The following ACSL3 variants were observed in gnomAD, a reference collection of about 807,000 sequenced individuals.
The protein encoded by ACSL3 is acyl-CoA synthetase long chain family member 3, also known as fatty acid CoA ligase Acsl3.
A neutral mutation model predicts 84.7 loss-of-function variants in ACSL3; 34 were observed. That is an observed-to-expected ratio of 0.40 (90% CI 0.31 to 0.53). The LOEUF is 0.53. Among genes scored for constraint, ACSL3 ranks in the 20% least tolerant of loss-of-function variants. ACSL3 has a pLI of 0.48. For missense variants in ACSL3, 680 were observed against 873.1 expected (o/e 0.78, Z 2.79); for synonymous variants, 315 against 299.4 (o/e 1.05, Z -0.54).
intron 2 of ACSL3, among the ~76,000 whole-genome samples, chr2:222,896,829 T>C (rs1466631100): frequency 3.3e-3 from 38 of 11,558 alleles, no homozygotes; most frequent in Non-Finnish European, 4.4e-3. Context: ...GCGGGGGGGC[T>C]GACCCCCCCA....
At chr2:222,884,109 G>A (rs1464208539) in intron 1 of ACSL3, among the ~76,000 whole-genome samples, 1 of 152,070 alleles carries the variant, frequency 6.6e-6, no homozygotes, top group East Asian at 1.9e-4. Flanking sequence ...CAAATATCTG[G>A]TGATTAAGAA....
chr2:222,868,859 A>G (rs1350689383), intron 1 of ACSL3, among the ~76,000 whole-genome samples: 2 of 151,994 alleles, frequency 1.3e-5, no homozygotes, highest in African/African-American at 4.8e-5. Context: ...AATCCCAGCT[A>G]CTTGGGAGGC....
chr2:222,928,692 G>A (rs1256818318), intron 12 of ACSL3, among the ~76,000 whole-genome samples, 170 bp from the exon 13 acceptor site: 1 of 150,310 alleles, frequency 6.7e-6, no homozygotes, highest in Non-Finnish European at 1.5e-5. Flanking sequence ...CAAAAAATAC[G>A]ACTCTACAGG....
At chr2:222,876,937 A>T (rs1695465157) in intron 1 of ACSL3, among the ~76,000 whole-genome samples, 1 of 152,246 alleles carries the variant, frequency 6.6e-6, no homozygotes, top group Non-Finnish European at 1.5e-5. Context: ...AGGTAAAAAT[A>T]GATGGAGAGA....
intron 1 of ACSL3, among the ~76,000 whole-genome samples, chr2:222,865,121 C>T (rs1426862680): frequency 1.3e-5 from 2 of 152,078 alleles, no homozygotes; most frequent in Non-Finnish European, 2.9e-5. Flanking sequence ...CCTGTGGTGC[C>T]TTCCTTACAT....
At chr2:222,879,455 A>T (rs1213353433) in intron 1 of ACSL3, among the ~76,000 whole-genome samples, 2 of 152,182 alleles carry the variant, frequency 1.3e-5, no homozygotes, top group Non-Finnish European at 2.9e-5. Context: ...ACTTGTGATT[A>T]CTCACTGTAT....
At chr2:222,906,461 G>T (rs1435246929) in intron 3 of ACSL3, among the ~76,000 whole-genome samples, 1 of 152,182 alleles carries the variant, frequency 6.6e-6, no homozygotes, top group Admixed American at 6.5e-5. Flanking sequence ...GTTAAATTAA[G>T]ATGCCCTTTG....
At position 222,932,791 on chromosome 2, in the gene ACSL3, C is replaced by T. The variant is rs1410856166; in HGVS notation, c.1733-375C>T. ...CTAAAAATACAAAAAATTAGCCGGG[C>T]GCGGTGGCGGGCGCCTGTAGTCCCA... On this transcript the variant is annotated intron_variant, in intron 14 of 16. Coordinates refer to ENST00000357430, the MANE Select transcript of ACSL3 (RefSeq NM_004457.5). Among the ~76,000 whole-genome samples, 3 of 33,748 alleles carry T rather than the reference C, an allele frequency of 8.9e-5. 1 individual carries two copies. Among genetic ancestry groups the T allele is most frequent in the Non-Finnish European group, 1.4e-4 (3 of 21,778 alleles). 22.1% of individuals were successfully genotyped at this position (33,748 alleles called of 152,430 possible). A position where few individuals can be genotyped will look rare whatever the true frequency, so the allele number is the denominator to read the frequency against.
chr2:222,916,224 CTT>C (rs1696577430), intron 4 of ACSL3, 93 bp from the exon 5 acceptor site: 10 of 771,494 alleles, frequency 1.3e-5, no homozygotes, highest in Admixed American at 3.8e-5. Context: ...GCAAACGTAA[CTT>C]TCTGGTTCAT....
At chr2:222,900,325 C>T (rs1336684416) in intron 2 of ACSL3, among the ~76,000 whole-genome samples, 1 of 152,138 alleles carries the variant, frequency 6.6e-6, no homozygotes, top group East Asian at 1.9e-4. Context: ...TTCTCCTTCT[C>T]GGCCCCATGG....
At chr2:222,887,985 T>C (rs1319230189) in intron 2 of ACSL3, 97 bp downstream of exon 2, 1 of 152,192 alleles carries the variant, frequency 6.6e-6, no homozygotes, top group Non-Finnish European at 1.5e-5. Context: ...ACCAAAAAAT[T>C]GTAATTCTCA....
chr2:222,869,484 G>A (rs1451317272), intron 1 of ACSL3, among the ~76,000 whole-genome samples: 1 of 152,172 alleles, frequency 6.6e-6, no homozygotes, highest in Admixed American at 6.5e-5. Flanking sequence ...GAACCAGTGT[G>A]TGAGTGAACC....
chr2:222,865,923 TCTAG>T (rs1399720977), intron 1 of ACSL3, among the ~76,000 whole-genome samples: 1 of 152,240 alleles, frequency 6.6e-6, no homozygotes, highest in Non-Finnish European at 1.5e-5. Flanking sequence ...TGTTGATTGC[TCTAG>T]CTGTGAAAAG....
intron 6 of ACSL3, among the ~76,000 whole-genome samples, chr2:222,918,534 T>C (rs1351440308): frequency 6.8e-6 from 1 of 146,954 alleles, no homozygotes; most frequent in African/African-American, 2.5e-5. Context: ...TCAGAATTGT[T>C]TGGAAGTTAA....
At chr2:222,867,650 A>G (rs998476707) in intron 1 of ACSL3, among the ~76,000 whole-genome samples, 1 of 152,204 alleles carries the variant, frequency 6.6e-6, no homozygotes, top group African/African-American at 2.4e-5. Flanking sequence ...TACTGTGACA[A>G]GTTAGTACAT....
intron 16 of ACSL3, among the ~76,000 whole-genome samples, chr2:222,937,508 T>C (rs1697205527): frequency 6.6e-6 from 1 of 151,834 alleles, no homozygotes; most frequent in African/African-American, 2.4e-5. Flanking sequence ...ATATTTGTAA[T>C]TGTTATATCA....
intron 15 of ACSL3, 155 bp downstream of exon 15, chr2:222,933,435 A>T (rs976702897): frequency 1.3e-5 from 7 of 532,112 alleles, no homozygotes; most frequent in African/African-American, 1.2e-4. Flanking sequence ...CCATTAGCTG[A>T]CTCTTTTCCT....
chr2:222,885,896 C>T (rs1014552017), intron 1 of ACSL3, among the ~76,000 whole-genome samples: 7 of 152,172 alleles, frequency 4.6e-5, no homozygotes, highest in Admixed American at 3.9e-4. Flanking sequence ...GTGCACGCCA[C>T]CACACCTGGC....
At chr2:222,937,216 C>CT (rs1697195865) in intron 16 of ACSL3, among the ~76,000 whole-genome samples, 3 of 136,148 alleles carry the variant, frequency 2.2e-5, no homozygotes, top group Non-Finnish European at 4.8e-5. Context: ...TTCTTAATTT[C>CT]TTTTTCAGAA....
Sources: gnomAD v4.1 joint callset for allele counts (sites outside exome capture counted in the v4.1 genomes callset) on GRCh38, gnomAD v4.1.1 for gene constraint, MANE v1.5 for transcripts, NCBI Gene and HGNC (gene_info 2026-07-23, HGNC 2026-07-21) for gene names.